Variants in RIF1 observed in about 807,000 individuals in gnomAD.
RIF1 encodes replication timing regulatory factor 1.
In RIF1, 45 loss-of-function variants were observed where a neutral mutation model predicts 247.1. That is an observed-to-expected ratio of 0.18 (90% CI 0.14 to 0.23). The LOEUF (loss-of-function observed/expected upper bound fraction) is 0.23, where lower values mean the gene tolerates loss of function less well. Among genes scored for constraint, RIF1 ranks in the 10% least tolerant of loss-of-function variants. The pLI is 1.00. For missense variants in RIF1, 2,967 were observed against 2,862.5 expected, an observed-to-expected ratio of 1.04 and a Z score of -0.83; for synonymous variants, 1,087 against 978.8, an observed-to-expected ratio of 1.11 and a Z score of -2.06.
intron 18 of RIF1, among the ~76,000 whole-genome samples, 159 bp from the exon 19 acceptor site, chr2:151,445,179 G>C (rs1693033653): frequency 1.3e-5 from 2 of 152,190 alleles, no homozygotes. Context: ...TTCCAAATAA[G>C]ACTACATGCG....
chr2:151,467,766 A>G (rs917040052), intron 30 of RIF1, among the ~76,000 whole-genome samples: 3 of 152,088 alleles, frequency 2.0e-5, no homozygotes, highest in Non-Finnish European at 4.4e-5. Context: ...TGCCTTTTTC[A>G]CAATCTTTGG....
At chr2:151,501,562 A>T in intron 11 of RIF1, 1 of 717,852 alleles carries the variant, frequency 1.4e-6, no homozygotes, top group Middle Eastern at 2.6e-4. Context: ...AAACAGCCTA[A>T]AAGAAGTATT....
In RIF1 at chr2:151,424,012, GTC is replaced by G. The variant is rs200890511; in HGVS notation, c.786+974_786+975del. On this transcript the variant is annotated intron_variant, in intron 8 of 35. Transcript: ENST00000444746. ...TTTGGTAATGTCTGTTCTACTTCCTGTCTCTGAATTTGCTTATTCTAGGTACC... is the reference window on the plus strand; with the variant it reads ...TTTGGTAATGTCTGTTCTACTTCCTGTCTGAATTTGCTTATTCTAGGTACC... Among the ~76,000 whole-genome samples, 1,029 of 152,140 alleles carry G rather than the reference GTC, an allele frequency of 6.8e-3. 24 individuals are homozygous for G. The highest frequency in any genetic ancestry group is 0.038 in the Admixed American group (577 of 15,268).
intron 8 of RIF1, among the ~76,000 whole-genome samples, chr2:151,425,660 C>CTTTTTTTTTTTTT (rs34032157): frequency 8.4e-5 from 7 of 83,696 alleles, no homozygotes; most frequent in African/African-American, 1.4e-4. Context: ...TTGTGGTACC[C>CTTTTTTTTTTTTT]TTTTTTTTTT....
At chr2:151,458,226 A>ATTTTTTTT (rs71403171) in intron 24 of RIF1, among the ~76,000 whole-genome samples, 2 of 99,164 alleles carry the variant, frequency 2.0e-5, no homozygotes, top group Admixed American at 1.4e-4. Flanking sequence ...GAAATAGATG[A>ATTTTTTTT]TTTTTTTTTT....
In RIF1 at chr2:151,414,808, A is replaced by AT. The variant is rs757432923; in HGVS notation, c.184-11dup. 2.5e-6 allele frequency: 4 copies of AT among 1,577,998 alleles called. No homozygotes were observed. Among genetic ancestry groups the AT allele is most frequent in the Admixed American group, 1.7e-5 (1 of 57,624 alleles). ...GTTGTGCTTGTTTGTAATAAATGTG[A>AT]TTTTGTTTTTGTAGACTCACATTTC... On this transcript the variant is annotated splice_polypyrimidine_tract_variant and intron_variant, in intron 3 of 35. Coordinates refer to ENST00000444746, the MANE Select transcript of RIF1 (RefSeq NM_018151.5).
intron 12 of RIF1, 102 bp downstream of exon 12, chr2:151,437,105 A>G: frequency 2.4e-6 from 3 of 1,259,292 alleles, no homozygotes; most frequent in Admixed American, 2.5e-5. Flanking sequence ...AAAATATTTT[A>G]CAGTTGTGTA....
chr2:151,439,818 T>C (rs1369469808), intron 14 of RIF1, among the ~76,000 whole-genome samples: 3 of 147,166 alleles, frequency 2.0e-5, no homozygotes, highest in African/African-American at 5.0e-5. Flanking sequence ...ACTAAAAATA[T>C]GAAAATCAGC....
chr2:151,465,533 G>A lies in RIF1; in HGVS notation c.6013G>A (p.Val2005Ile). Residue 2005 changes from valine to isoleucine, a missense_variant, in exon 30 of 36, where the codon GTA becomes ATA. Physicochemically the swap from Val to Ile is conservative, Grantham distance 29. Around this residue, in one of 7 missense-constraint regions of RIF1, gnomAD observed 2,028 missense variants for 1,825.6 expected, o/e 1.11. Transcript: ENST00000444746. ...AAGELDGGND[V>I]SDLHSSEETN... is the part of the protein sequence containing the mutation. ...TGGGGAACTAGATGGAGGAAATGATGTATCTGATCTACACTCATCTGAAGA... is the reference window on the plus strand; with the variant it reads ...TGGGGAACTAGATGGAGGAAATGATATATCTGATCTACACTCATCTGAAGA... The A allele has an allele frequency of 1.9e-6, 3 of 1,599,870 alleles. No homozygotes were observed. The highest frequency in any genetic ancestry group is 2.6e-6 in the Non-Finnish European group (3 of 1,173,082).
chr2:151,432,993 T>C, intron 9 of RIF1, 84 bp from the exon 10 acceptor site: 1 of 1,036,574 alleles, frequency 9.6e-7, no homozygotes, highest in Non-Finnish European at 1.4e-6. Flanking sequence ...TCTCTTGCTG[T>C]GATAAAAGAC....
At chr2:151,489,427 C>T (rs1186552230) in intron 9 of RIF1, among the ~76,000 whole-genome samples, 1 of 152,154 alleles carries the variant, frequency 6.6e-6, no homozygotes, top group African/African-American at 2.4e-5. Flanking sequence ...GAGACAGGGT[C>T]TCCCTCTGTC....
the RIF1 span, chr2:151,525,829 T>C: frequency 1.3e-6 from 1 of 785,756 alleles, no homozygotes; most frequent in East Asian, 2.4e-5. Flanking sequence ...GAGTTTAAGA[T>C]TCACATGTAG....
downstream of RIF1, among the ~76,000 whole-genome samples, chr2:151,510,931 A>T (rs1408896586): frequency 6.6e-6 from 1 of 152,268 alleles, no homozygotes; most frequent in Non-Finnish European, 1.5e-5. Context: ...TCGAGAAGCA[A>T]GTTTGTGGAA....
chr2:151,517,802 C>A, the RIF1 span, among the ~76,000 whole-genome samples: 1 of 152,204 alleles, frequency 6.6e-6, no homozygotes, highest in Non-Finnish European at 1.5e-5. Context: ...TAAAATGGTA[C>A]ACCTGCATAG....
intron 6 of RIF1, among the ~76,000 whole-genome samples, chr2:151,418,330 G>C (rs139459506): frequency 1.1e-4 from 17 of 152,132 alleles, no homozygotes; most frequent in African/African-American, 2.9e-4. Flanking sequence ...TCAGCTTCCC[G>C]AGTAGCTGGG....
At chr2:151,499,197 A>G (rs1161465817) in intron 10 of RIF1, 1 of 614,502 alleles carries the variant, frequency 1.6e-6, no homozygotes, top group Non-Finnish European at 2.7e-6. Context: ...AGACAGGTCA[A>G]ATTTTTTATT....
chr2:151,416,190 C>T (rs1020073509), intron 4 of RIF1, among the ~76,000 whole-genome samples: 1 of 152,148 alleles, frequency 6.6e-6, no homozygotes, highest in Non-Finnish European at 1.5e-5. Flanking sequence ...GCTGCCTGCT[C>T]TTTTTTATAC....
At chr2:151,447,068 C>G (rs1024942901) in intron 20 of RIF1, among the ~76,000 whole-genome samples, 1 of 151,658 alleles carries the variant, frequency 6.6e-6, no homozygotes, top group Non-Finnish European at 1.5e-5. Context: ...CTCAGCCTCC[C>G]GAGTAGCTGG....
In RIF1 at chr2:151,463,760, C is replaced by G; in HGVS notation, c.4240C>G (p.Leu1414Val). ...QVQITPNQKT[L>V]RRSSRRRSEV... ...TCAGATAACTCCAAATCAGAAAACC[C>G]TTAGACGGTCTTCAAGGCGACGTTC... Residue 1414 changes from leucine to valine, a missense_variant, in exon 30 of 36, where the codon CTT becomes GTT. Physicochemically the swap from Leu to Val is conservative, Grantham distance 32. Coordinates refer to ENST00000444746, the MANE Select transcript of RIF1 (RefSeq NM_018151.5). 6.2e-7 allele frequency: 1 copy of G among 1,613,836 alleles called. No homozygotes were observed. Among genetic ancestry groups the G allele is most frequent in the Non-Finnish European group, 8.5e-7 (1 of 1,179,962 alleles).
Sources: gnomAD v4.1 joint callset for allele counts (sites outside exome capture counted in the v4.1 genomes callset) on GRCh38, gnomAD v4.1.1 for gene constraint, gnomAD v4.1.1 regional missense constraint, MANE v1.5 for transcripts, NCBI Gene and HGNC (gene_info 2026-07-23, HGNC 2026-07-21) for gene names.